The following BCAS4 variants were observed in gnomAD, a reference collection of about 807,000 sequenced individuals.
The protein encoded by BCAS4 is breast carcinoma-amplified sequence 4.
BCAS4 carries 9 observed loss-of-function variants against 15.7 expected under a neutral mutation model. That is an observed-to-expected ratio of 0.57 (90% CI 0.34 to 1.00). The LOEUF (loss-of-function observed/expected upper bound fraction) is 1.00, where lower values mean the gene tolerates loss of function less well. Among genes scored for constraint, BCAS4 ranks in the 50% least tolerant of loss-of-function variants. The pLI, the probability that BCAS4 is intolerant of heterozygous loss-of-function variation, is 0.02. For synonymous variants in BCAS4, 101 were observed against 99.5 expected (o/e 1.02, Z -0.09); for missense variants, 225 against 239.1 (o/e 0.94, Z 0.39).
chr20:50,862,480 A>G (rs991702863), intron 4 of BCAS4, among the ~76,000 whole-genome samples: 2 of 151,504 alleles, frequency 1.3e-5, no homozygotes, highest in African/African-American at 4.9e-5. Flanking sequence ...AGTGCAGGAG[A>G]GGGGTCGCAG....
intron 1 of BCAS4, among the ~76,000 whole-genome samples, chr20:50,805,515 C>T (rs545560903): frequency 6.6e-6 from 1 of 152,318 alleles, no homozygotes; most frequent in Admixed American, 6.5e-5. Context: ...CTGGCACAAG[C>T]TGGGGCCCAG....
chr20:50,824,738 G>A lies in BCAS4; in HGVS notation c.163-5541G>A, dbSNP rs149002374. Among the ~76,000 whole-genome samples the A allele has an allele frequency of 9.8e-3, 1,489 of 152,256 alleles. 33 individuals carry two copies. Among genetic ancestry groups the A allele is most frequent in the African/African-American group, 0.034 (1,431 of 41,546 alleles). ...GATGGGGACTGGGGTTAACAAAAGT[G>A]GCAGCTGCCACTCAGCTCCAGCTGA... On this transcript the variant is annotated intron_variant, in intron 2 of 4. Coordinates refer to ENST00000371608, the MANE Select transcript of BCAS4 (RefSeq NM_198799.4).
chr20:50,857,350 T>C (rs1252503983), intron 4 of BCAS4, among the ~76,000 whole-genome samples: 1 of 152,128 alleles, frequency 6.6e-6, no homozygotes, highest in Non-Finnish European at 1.5e-5. Flanking sequence ...AGACTGGTCT[T>C]GAACTCCGGA....
At chr20:50,855,639 C>T (rs1014262950) in intron 4 of BCAS4, among the ~76,000 whole-genome samples, 3 of 152,098 alleles carry the variant, frequency 2.0e-5, no homozygotes, top group Non-Finnish European at 4.4e-5. Context: ...TGTCTGCCGT[C>T]CACCAGCCTG....
At chr20:50,803,295 G>A (rs1432292552) in intron 1 of BCAS4, among the ~76,000 whole-genome samples, 1 of 152,244 alleles carries the variant, frequency 6.6e-6, no homozygotes, top group East Asian at 1.9e-4. Flanking sequence ...GGGAGTCAGC[G>A]CTGCTTTTGC....
chr20:50,813,845 A>C (rs2088103297), intron 1 of BCAS4, among the ~76,000 whole-genome samples: 1 of 151,718 alleles, frequency 6.6e-6, no homozygotes, highest in Non-Finnish European at 1.5e-5. Context: ...TTTAAAAAAA[A>C]AAAACCCACT....
At chr20:50,842,667 C>T (rs2088499732) in intron 4 of BCAS4, among the ~76,000 whole-genome samples, 1 of 152,218 alleles carries the variant, frequency 6.6e-6, no homozygotes, top group Non-Finnish European at 1.5e-5. Context: ...ATCCACCTGC[C>T]TTGGCCTCCC....
intron 1 of BCAS4, among the ~76,000 whole-genome samples, chr20:50,813,103 G>A (rs976560378): frequency 5.9e-5 from 9 of 152,164 alleles, no homozygotes; most frequent in Non-Finnish European, 1.0e-4. Context: ...AAATGTGTGC[G>A]CCACTGTGCC....
chr20:50,824,560 G>A (rs778162361), intron 2 of BCAS4, among the ~76,000 whole-genome samples: 1 of 152,214 alleles, frequency 6.6e-6, no homozygotes. Context: ...TCTTCTCAGA[G>A]CGTAGCCCAA....
chr20:50,802,229 G>A (rs1021598511), intron 1 of BCAS4, among the ~76,000 whole-genome samples: 8 of 152,140 alleles, frequency 5.3e-5, no homozygotes, highest in Admixed American at 5.2e-4. Flanking sequence ...TCATGGCCAC[G>A]TGGCTGCGGT....
intron 4 of BCAS4, among the ~76,000 whole-genome samples, chr20:50,845,556 C>T (rs1313771080): frequency 6.6e-6 from 1 of 152,154 alleles, no homozygotes; most frequent in African/African-American, 2.4e-5. Context: ...CCCAGGCAGC[C>T]GGGGGCTCGG....
rs529299849 is a variant in BCAS4 at position 50,822,536 on chromosome 20, G to A, written c.162+4254G>A. On this transcript the variant is annotated intron_variant, in intron 2 of 4. Transcript: ENST00000371608. ...CTTAAAAACCACCAAAATACCAAGT[G>A]TTGGCAAGGATGTAGAGCAACGAAG... Among the ~76,000 whole-genome samples the A allele has an allele frequency of 2.0e-5, 3 of 152,012 alleles. No homozygotes were observed. In the South Asian group the frequency reaches 6.2e-4, roughly 32 times the overall value.
intron 4 of BCAS4, among the ~76,000 whole-genome samples, chr20:50,873,884 G>T (rs1979782725): frequency 6.6e-6 from 1 of 152,224 alleles, no homozygotes. Flanking sequence ...TTTTCCAGAT[G>T]TGAAGGTGGT....
intron 4 of BCAS4, among the ~76,000 whole-genome samples, chr20:50,862,216 T>C (rs1046412594): frequency 6.6e-6 from 1 of 152,030 alleles, no homozygotes; most frequent in African/African-American, 2.4e-5. Context: ...TTCCATCTGT[T>C]TCCGCTCTCT....
chr20:50,859,374 G>T (rs963818093), intron 4 of BCAS4, among the ~76,000 whole-genome samples: 2 of 152,362 alleles, frequency 1.3e-5, no homozygotes, highest in African/African-American at 4.8e-5. Context: ...GGCGTGGAAG[G>T]AGTAGAGGCC....
intron 1 of BCAS4, among the ~76,000 whole-genome samples, chr20:50,815,598 T>TCTCTCCC (rs562132087): frequency 8.5e-4 from 130 of 152,266 alleles, no homozygotes; most frequent in African/African-American, 3.1e-3. Context: ...TTCCCCGTCT[T>TCTCTCCC]CTCTCCCCTC....
At chr20:50,803,478 G>T (rs1266508928) in intron 1 of BCAS4, among the ~76,000 whole-genome samples, 1 of 152,158 alleles carries the variant, frequency 6.6e-6, no homozygotes, top group Non-Finnish European at 1.5e-5. Context: ...TATAGGCATG[G>T]TTGGGAGCAC....
chr20:50,837,171 C>T (rs2088419676), intron 3 of BCAS4, among the ~76,000 whole-genome samples: 1 of 152,194 alleles, frequency 6.6e-6, no homozygotes, highest in Non-Finnish European at 1.5e-5. Context: ...AAGTGACGCT[C>T]CTGAGTTCAC....
chr20:50,805,468 A>G (rs1279347014), intron 1 of BCAS4, among the ~76,000 whole-genome samples: 1 of 152,194 alleles, frequency 6.6e-6, no homozygotes, highest in Non-Finnish European at 1.5e-5. Flanking sequence ...CTGGATTGCC[A>G]TTTGTCTTGA....
Sources: gnomAD v4.1 joint callset for allele counts (sites outside exome capture counted in the v4.1 genomes callset) on GRCh38, gnomAD v4.1.1 for gene constraint, MANE v1.5 for transcripts, NCBI Gene and HGNC (gene_info 2026-07-23, HGNC 2026-07-21) for gene names.